SDK2: variants seen among roughly 807,000 people sequenced by gnomAD.
The protein encoded by SDK2 is protein sidekick-2.
SDK2 carries 105 observed loss-of-function variants against 253.9 expected under a neutral mutation model. The observed-to-expected ratio is 0.41, with a 90% CI of 0.35 to 0.49. The LOEUF is 0.49. Among genes scored for constraint, SDK2 ranks in the 20% least tolerant of loss-of-function variants. The pLI, the probability that SDK2 is intolerant of heterozygous loss-of-function variation, is 0.06. For synonymous variants in SDK2, 1,249 were observed against 1,234.9 expected, an observed-to-expected ratio of 1.01 and a Z score of -0.24; for missense variants, 2,608 against 3,003.0, an observed-to-expected ratio of 0.87 and a Z score of 3.07.
intron 15 of SDK2, among the ~76,000 whole-genome samples, chr17:73,420,289 T>A (rs1017300599): frequency 5.3e-5 from 8 of 152,232 alleles, no homozygotes; most frequent in African/African-American, 1.9e-4. Flanking sequence ...CCCTTTTTGT[T>A]TATGTTTTTG....
At position 73,481,593 on chromosome 17, in the gene SDK2, G is replaced by A. The variant is rs544877045; in HGVS notation, c.225-9375C>T. Among the ~76,000 whole-genome samples, 10 of 152,270 alleles carry A rather than the reference G, an allele frequency of 6.6e-5. No individual in the cohort carries two copies. The East Asian group carries it at 1.5e-3, about 24-fold the overall frequency. ...AGAGTGGTGAAAGCCCTCTCCCCTCGCAGGACGTAGCCGGATCCCTCACCA... is the reference window on the plus strand; with the variant it reads ...AGAGTGGTGAAAGCCCTCTCCCCTCACAGGACGTAGCCGGATCCCTCACCA... On this transcript the variant is annotated intron_variant, in intron 2 of 44. Transcript: ENST00000392650. This position sits in a 1 kb window ranked among gnomAD's most constrained non-coding sequence, Gnocchi z 4.5.
In SDK2 at chr17:73,383,757, G is replaced by A; in HGVS notation, c.4705+119C>T. ...ATGGGAGGAGGGAGAGGCACACATG[G>A]AGGAGGGAGGCAAGGTTTCAGGTTA... On this transcript the variant is annotated intron_variant, in intron 33 of 44. Transcript: ENST00000392650. The surrounding 1 kb of genome is among the most constrained non-coding windows in gnomAD (Gnocchi z 4.3). 8.2e-7 allele frequency: 1 copy of A among 1,224,596 alleles called. No individual in the cohort carries two copies. The highest frequency in any genetic ancestry group is 1.4e-5 in the South Asian group (1 of 70,826). The allele number at this position is 1,224,596 out of a possible 1,614,324, so 75.9% of individuals were successfully genotyped here.
At chr17:73,406,988 G>A (rs974357376) in intron 18 of SDK2, among the ~76,000 whole-genome samples, 3 of 152,212 alleles carry the variant, frequency 2.0e-5, no homozygotes, top group Non-Finnish European at 4.4e-5. Context: ...TGCTGGTATT[G>A]TAGGAACTGG....
At chr17:73,607,927 G>A (rs2045928099) in intron 1 of SDK2, among the ~76,000 whole-genome samples, 1 of 151,068 alleles carries the variant, frequency 6.6e-6, no homozygotes, top group Non-Finnish European at 1.5e-5. Context: ...ATAGAACAAA[G>A]AGTGTCCACA....
At chr17:73,504,988 C>G (rs1361890536) in intron 2 of SDK2, among the ~76,000 whole-genome samples, 1 of 152,126 alleles carries the variant, frequency 6.6e-6, no homozygotes, top group Non-Finnish European at 1.5e-5. Context: ...ACCGTTGCCC[C>G]CAGGCCACCA....
Position 73,507,471 on chromosome 17 carries a change from T to C in SDK2, c.191A>G (p.Asn64Ser). Residue 64 changes from asparagine (N) to serine (S), a missense_variant, in exon 2 of 45, where the codon AAC becomes AGC. Around this residue, in one of 2 missense-constraint regions of SDK2, gnomAD observed 1,505 missense variants for 1,859.1 expected, o/e 0.81. Transcript: ENST00000392650. ...WPLEFKWLHN[N>S]RELTKFSLEY... ...CAGGGAGAACTTGGTCAGCTCCCTG[T>C]TGTTGTGGAGCCACTTGAACTCCAG... The C allele has an allele frequency of 1.9e-6, 3 of 1,551,570 alleles. No individual in the cohort carries two copies. Among genetic ancestry groups the C allele is most frequent in the Non-Finnish European group, 2.6e-6 (3 of 1,146,924 alleles).
chr17:73,495,229 A>T (rs2063833907), intron 2 of SDK2, among the ~76,000 whole-genome samples: 2 of 152,212 alleles, frequency 1.3e-5, no homozygotes, highest in African/African-American at 4.8e-5. Flanking sequence ...ACAGAAGGGC[A>T]GCTCAGCTCC....
rs191677381 is a variant in SDK2 at position 73,431,291 on chromosome 17, G to T, written c.1480+211C>A. On this transcript the variant is annotated intron_variant, in intron 11 of 44. Transcript: ENST00000392650. The surrounding 1 kb of genome is among the most constrained non-coding windows in gnomAD (Gnocchi z 5.6). ...TGTTCTCTCAAGTCGGCCAAGCATAGCATCACCGGCAGAATCTTCCTAGTC... is the reference window on the plus strand; with the variant it reads ...TGTTCTCTCAAGTCGGCCAAGCATATCATCACCGGCAGAATCTTCCTAGTC... 2.6e-5 allele frequency among the ~76,000 whole-genome samples: 4 copies of T among 152,286 alleles called. No individual in the cohort carries two copies. Among genetic ancestry groups the T allele is most frequent in the Admixed American group, 2.6e-4 (4 of 15,290 alleles).
intron 1 of SDK2, among the ~76,000 whole-genome samples, chr17:73,582,300 TCAGCATTTGGGGGCGCAC>T (rs2045546893): frequency 7.1e-6 from 1 of 139,950 alleles, no homozygotes; most frequent in Non-Finnish European, 1.5e-5. Flanking sequence ...CACGCAGGCA[TCAGCATTTGGGGGCGCAC>T]ACCACGCAGG....
rs2062967403 is a variant in SDK2 at position 73,395,881 on chromosome 17, C to T, written c.3355-489G>A. ...CAGGAAGTCCTTCTGTCCAGCAAAC[C>T]TCAGCCTCTCCTGCTGCATTTTCAG... On this transcript the variant is annotated intron_variant, in intron 24 of 44. Coordinates refer to ENST00000392650, the MANE Select transcript of SDK2 (RefSeq NM_001144952.2). This position sits in a 1 kb window ranked among gnomAD's most constrained non-coding sequence, Gnocchi z 4.3. 6.6e-6 allele frequency among the ~76,000 whole-genome samples: 1 copy of T among 152,136 alleles called. No homozygotes were observed. The highest frequency in any genetic ancestry group is 2.4e-5 in the African/African-American group (1 of 41,428).
In SDK2 at chr17:73,394,246, G is replaced by C; in HGVS notation, c.3671C>G (p.Pro1224Arg). Residue 1224 changes from proline (P) to arginine (R), a missense_variant, in exon 26 of 45, where the codon CCC becomes CGC. Physicochemically the swap from Pro to Arg is moderately radical, Grantham distance 103. Around this residue, in one of 2 missense-constraint regions of SDK2, gnomAD observed 1,505 missense variants for 1,859.1 expected, o/e 0.81. Coordinates refer to ENST00000392650, the MANE Select transcript of SDK2 (RefSeq NM_001144952.2). Reference protein sequence around the residue: ...SSMLVRWSEVPEADRNGLVLG... With the variant: ...SSMLVRWSEVREADRNGLVLG... ...CACGAGCCCGTTGCGATCAGCCTCG[G>C]GGACCTCGCTCCAGCGCACCAGCAT... The C allele has an allele frequency of 6.2e-7, 1 of 1,600,932 alleles. No individual in the cohort carries two copies. Among genetic ancestry groups the C allele is most frequent in the Non-Finnish European group, 8.5e-7 (1 of 1,171,446 alleles).
Position 73,379,397 on chromosome 17 carries a change from G to T in SDK2, c.4864+51C>A, listed in dbSNP as rs751268980. On this transcript the variant is annotated intron_variant, in intron 35 of 44. Coordinates refer to ENST00000392650, the MANE Select transcript of SDK2 (RefSeq NM_001144952.2). This position sits in a 1 kb window ranked among gnomAD's most constrained non-coding sequence, Gnocchi z 4.5. ...GATCCCGTTTCTTCCAGCTGAACTGGGTGGGGCTGGGAAAGGCATGCTGGG... is the reference window on the plus strand; with the variant it reads ...GATCCCGTTTCTTCCAGCTGAACTGTGTGGGGCTGGGAAAGGCATGCTGGG... 9 of 1,532,810 alleles carry T rather than the reference G, an allele frequency of 5.9e-6. No homozygotes were observed. The highest frequency in any genetic ancestry group is 7.2e-6 in the Non-Finnish European group (8 of 1,118,242). The allele number at this position is 1,532,810 out of a possible 1,614,324, so 95.0% of individuals were successfully genotyped here.
At chr17:73,396,402 C>T (rs1304964470) in intron 24 of SDK2, among the ~76,000 whole-genome samples, 2 of 152,040 alleles carry the variant, frequency 1.3e-5, no homozygotes, top group Admixed American at 1.3e-4. Flanking sequence ...CTCACCTCCC[C>T]CAGTTCTGCT....
intron 1 of SDK2, among the ~76,000 whole-genome samples, chr17:73,532,266 T>G (rs1221266839): frequency 8.3e-6 from 1 of 120,928 alleles, no homozygotes; most frequent in Non-Finnish European, 1.6e-5. Context: ...GCTGAGAAAC[T>G]CTGGGCTAGA....
At position 73,465,036 on chromosome 17, in the gene SDK2, A is replaced by G. The variant is rs890743061; in HGVS notation, c.331+7076T>C. ...TCATTGTTTCCTGAGTGATTTGAAT[A>G]CTCAGGTAACATGAGTGCTCCAGAA... On this transcript the variant is annotated intron_variant, in intron 3 of 44. Coordinates refer to ENST00000392650, the MANE Select transcript of SDK2 (RefSeq NM_001144952.2). The surrounding 1 kb of genome is among the most constrained non-coding windows in gnomAD (Gnocchi z 4.2). Among the ~76,000 whole-genome samples the G allele has an allele frequency of 1.3e-5, 2 of 152,010 alleles. No homozygotes were observed. Among genetic ancestry groups the G allele is most frequent in the African/African-American group, 2.4e-5 (1 of 41,388 alleles).
chr17:73,464,280 T>C (rs1038675696), intron 3 of SDK2, among the ~76,000 whole-genome samples: 4 of 152,148 alleles, frequency 2.6e-5, no homozygotes, highest in African/African-American at 9.7e-5. Context: ...GGTTCCCCCA[T>C]ACCGTTCTCG....
At chr17:73,389,751 T>A (rs1400446537) in intron 29 of SDK2, among the ~76,000 whole-genome samples, 2 of 152,164 alleles carry the variant, frequency 1.3e-5, no homozygotes, top group East Asian at 3.9e-4. Context: ...AACCCTCCCT[T>A]AATTAATTAA....
chr17:73,501,486 T>C (rs1371767444), intron 2 of SDK2, among the ~76,000 whole-genome samples: 4 of 152,250 alleles, frequency 2.6e-5, no homozygotes, highest in Non-Finnish European at 5.9e-5. Flanking sequence ...AAGGATCTCA[T>C]TTCTTTAAAG....
chr17:73,529,654 C>T (rs1364465849), intron 1 of SDK2, among the ~76,000 whole-genome samples: 1 of 152,074 alleles, frequency 6.6e-6, no homozygotes, highest in African/African-American at 2.4e-5. Flanking sequence ...GGTGAAGCCA[C>T]AGAGACACAC....
Sources: allele counts gnomAD v4.1 joint callset (sites outside exome capture counted in the v4.1 genomes callset), GRCh38; gene constraint gnomAD v4.1.1; regional missense constraint gnomAD v4.1.1; non-coding constraint Gnocchi (gnomAD v3.1); transcripts MANE v1.5; gene names NCBI Gene and HGNC (gene_info 2026-07-23, HGNC 2026-07-21).